NOL4L: variants seen among roughly 807,000 people sequenced by gnomAD.
NOL4L encodes nucleolar protein 4-like.
NOL4L carries 7 observed loss-of-function variants against 64.5 expected under a neutral mutation model. That is an observed-to-expected ratio of 0.11 (90% confidence interval 0.06 to 0.20). NOL4L has a LOEUF of 0.20. Ranked by LOEUF, NOL4L falls within the 10% of genes least tolerant of loss-of-function variation. The pLI is 1.00. For synonymous variants in NOL4L, 413 were observed against 401.0 expected (o/e 1.03, Z -0.36); for missense variants, 680 against 967.1 (o/e 0.70, Z 3.94).
chr20:32,501,320 G>A (rs942652829), intron 4 of NOL4L, among the ~76,000 whole-genome samples: 3 of 152,104 alleles, frequency 2.0e-5, no homozygotes, highest in African/African-American at 4.8e-5. Flanking sequence ...AGTACTCTTC[G>A]AAACTGTCAA....
chr20:32,548,211 G>A (rs1168077883), intron 1 of NOL4L, among the ~76,000 whole-genome samples: 3 of 152,196 alleles, frequency 2.0e-5, no homozygotes, highest in Non-Finnish European at 4.4e-5. Flanking sequence ...ACATTTGCCT[G>A]ACAAATTGCA....
At chr20:32,523,941 T>G (rs1015729862) in intron 2 of NOL4L, among the ~76,000 whole-genome samples, 2 of 152,098 alleles carry the variant, frequency 1.3e-5, no homozygotes, top group Non-Finnish European at 1.5e-5. Flanking sequence ...TTGGGGGGAT[T>G]TGCACCACTT....
intron 5 of NOL4L, among the ~76,000 whole-genome samples, chr20:32,462,555 C>A (rs2014167893): frequency 6.6e-6 from 1 of 151,876 alleles, no homozygotes; most frequent in African/African-American, 2.4e-5. Context: ...AAAAGAGAGA[C>A]TGGGGGCAGT....
Position 32,494,821 on chromosome 20 carries a change from T to C in NOL4L, c.699+16526A>G, listed in dbSNP as rs549433157. ...ACATCACAGAGACACCAACCCAACA[T>C]TGCAAATGGCACCAGCGGCGGCTCC... On this transcript the variant is annotated intron_variant, in intron 4 of 10. Coordinates refer to ENST00000621426, the MANE Select transcript of NOL4L (RefSeq NM_001256798.2). Among the ~76,000 whole-genome samples the C allele has an allele frequency of 6.6e-5, 10 of 152,306 alleles. No individual in the cohort carries two copies. The South Asian group carries it at 1.2e-3, about 19-fold the overall frequency.
chr20:32,465,193 G>T (rs977071040), intron 5 of NOL4L: 1 of 460,720 alleles, frequency 2.2e-6, no homozygotes, highest in Non-Finnish European at 4.0e-6. Flanking sequence ...GTCAGGCGGC[G>T]GGTAACTCAT....
rs779063171 is a variant in NOL4L, at chr20:32,482,646, G to A, written c.700-7904C>T. 1.8e-3 allele frequency among the ~76,000 whole-genome samples: 267 copies of A among 147,540 alleles called. 1 individual carries two copies. The highest frequency in any genetic ancestry group is 3.3e-3 in the Non-Finnish European group (222 of 66,602). ...TCCCCTCATTAAGGAAGGCCCCTTC[G>A]CCAGGGGCCGCCAACGCCCGCGGCT... On this transcript the variant is annotated intron_variant, in intron 4 of 10. Coordinates refer to ENST00000621426, the MANE Select transcript of NOL4L (RefSeq NM_001256798.2).
chr20:32,517,961 A>G (rs1323730384), intron 3 of NOL4L, among the ~76,000 whole-genome samples: 4 of 152,056 alleles, frequency 2.6e-5, no homozygotes. Context: ...CAGTTTCCTT[A>G]CCTGTAAGCC....
intron 1 of NOL4L, among the ~76,000 whole-genome samples, chr20:32,539,402 C>A (rs1305196580): frequency 1.3e-5 from 2 of 152,200 alleles, no homozygotes; most frequent in Non-Finnish European, 2.9e-5. Flanking sequence ...GGAATCAGAA[C>A]TGGATTCCAG....
At chr20:32,478,477 C>T (rs1483873967) in intron 4 of NOL4L, among the ~76,000 whole-genome samples, 5 of 152,206 alleles carry the variant, frequency 3.3e-5, no homozygotes, top group African/African-American at 1.2e-4. Flanking sequence ...ACTGTGGACA[C>T]ACTGCCTAGT....
At chr20:32,530,723 A>T (rs537893855) in intron 1 of NOL4L, among the ~76,000 whole-genome samples, 51 of 152,222 alleles carry the variant, frequency 3.4e-4, no homozygotes, top group African/African-American at 1.2e-3. Context: ...GGAGTTTGAG[A>T]CCAGCCTGAC....
At chr20:32,451,553 G>A (rs951601312) in intron 10 of NOL4L, 2 of 152,308 alleles carry the variant, frequency 1.3e-5, no homozygotes, top group African/African-American at 2.4e-5. Flanking sequence ...AATGGTCTGT[G>A]CCCCATCTGC....
chr20:32,522,037 G>A (rs777249399), intron 2 of NOL4L, among the ~76,000 whole-genome samples: 4 of 152,206 alleles, frequency 2.6e-5, no homozygotes, highest in Non-Finnish European at 4.4e-5. Context: ...AGAAATGCAC[G>A]AATGTCCTTC....
At chr20:32,465,323 CACCACCCAG>C (rs58834589) in intron 5 of NOL4L, among the ~76,000 whole-genome samples, 7,248 of 152,250 alleles carry the variant, frequency 0.048, 577 homozygotes, top group African/African-American at 0.17. Context: ...GGCCCCAAAG[CACCACCCAG>C]GCCGCCCAGT....
chr20:32,469,377 T>C (rs1568621197), intron 5 of NOL4L, among the ~76,000 whole-genome samples: 1 of 152,158 alleles, frequency 6.6e-6, no homozygotes, highest in Non-Finnish European at 1.5e-5. Context: ...TTTTCTTTTT[T>C]TTCTTTTTTT....
At chr20:32,498,936 G>A (rs529726003) in intron 4 of NOL4L, among the ~76,000 whole-genome samples, 4 of 152,198 alleles carry the variant, frequency 2.6e-5, no homozygotes, top group East Asian at 1.9e-4. Context: ...CTGGAGTGCA[G>A]TGGTGCAATC....
At chr20:32,456,836 C>T (rs2013586743) in intron 5 of NOL4L, among the ~76,000 whole-genome samples, 2 of 152,228 alleles carry the variant, frequency 1.3e-5, no homozygotes, top group Admixed American at 6.5e-5. Context: ...TGCCTTGCAG[C>T]TTCGAGCTCT....
chr20:32,456,045 G>A lies in NOL4L; in HGVS notation c.1119+73C>T, dbSNP rs1285214225. 26 of 1,414,982 alleles carry A rather than the reference G, an allele frequency of 1.8e-5. No homozygotes were observed. In the Admixed American group the frequency reaches 1.9e-4, roughly 10 times the overall value. 87.7% of individuals were successfully genotyped at this position (1,414,982 alleles called of 1,614,324 possible). ...GGCTGGCTCCAGCTAAGCTCTGGGC[G>A]TATACAATTTCATTCTCGCCTCGCG... On this transcript the variant is annotated intron_variant, in intron 6 of 10. Coordinates refer to ENST00000621426, the MANE Select transcript of NOL4L (RefSeq NM_001256798.2).
At chr20:32,451,716 G>A (rs945150699) in intron 10 of NOL4L, 1 of 152,536 alleles carries the variant, frequency 6.6e-6, no homozygotes, top group East Asian at 1.9e-4. Context: ...GCACCCAGGT[G>A]AGGAAAGCTT....
At chr20:32,561,361 G>C (rs921797481) in intron 1 of NOL4L, among the ~76,000 whole-genome samples, 3 of 152,232 alleles carry the variant, frequency 2.0e-5, no homozygotes, top group Admixed American at 2.0e-4. Flanking sequence ...ACGCTGGAAT[G>C]CTTCTCTCAC....
Sources: allele counts gnomAD v4.1 joint callset (sites outside exome capture counted in the v4.1 genomes callset), GRCh38; gene constraint gnomAD v4.1.1; transcripts MANE v1.5; gene names NCBI Gene and HGNC (gene_info 2026-07-23, HGNC 2026-07-21).